DLGAP3: variants seen among roughly 807,000 people sequenced by gnomAD.
The protein encoded by DLGAP3 is DLG associated protein 3.
DLGAP3 carries 17 observed loss-of-function variants against 81.2 expected under a neutral mutation model. The ratio of observed to expected loss-of-function variants is 0.21; its 90% CI spans 0.14 to 0.31. The LOEUF (loss-of-function observed/expected upper bound fraction) is 0.31. Ranked by LOEUF, DLGAP3 falls within the 10% of genes least tolerant of loss-of-function variation. The pLI is 1.00. For missense variants in DLGAP3, 1,124 were observed against 1,388.0 expected, an observed-to-expected ratio of 0.81 and a Z score of 3.02; for synonymous variants, 577 against 587.4, an observed-to-expected ratio of 0.98 and a Z score of 0.26.
intron 5 of DLGAP3, among the ~76,000 whole-genome samples, chr1:34,896,088 A>G (rs1483855841): frequency 5.9e-5 from 9 of 152,234 alleles, no homozygotes; most frequent in African/African-American, 2.2e-4. Context: ...ACAATCAAGA[A>G]GAGAAAAATT....
chr1:34,913,779 C>T (rs1417941675), intron 1 of DLGAP3, among the ~76,000 whole-genome samples: 1 of 152,102 alleles, frequency 6.6e-6, no homozygotes, highest in Non-Finnish European at 1.5e-5. Flanking sequence ...GTACAACGGC[C>T]CACAGAAAGG....
chr1:34,909,448 G>A (rs1428170315), intron 1 of DLGAP3, among the ~76,000 whole-genome samples: 1 of 152,104 alleles, frequency 6.6e-6, no homozygotes, highest in Non-Finnish European at 1.5e-5. Flanking sequence ...TAAGCCTCAG[G>A]ACACCTGCTC....
chr1:34,887,945 C>T (rs576823668), intron 5 of DLGAP3, among the ~76,000 whole-genome samples: 1 of 152,330 alleles, frequency 6.6e-6, no homozygotes, highest in East Asian at 1.9e-4. Context: ...CTCAGGGCCT[C>T]CCTGGTAAAC....
Position 34,894,264 on chromosome 1 carries a change from C to CAAA in DLGAP3, c.1386+5402_1386+5404dup, listed in dbSNP as rs59073158. On this transcript the variant is annotated intron_variant, in intron 5 of 11. Transcript: ENST00000373347. ...CAAAAGGCATAGTGATAAGATAAAGCAAAAAAAAAAAAAAAACCATTAGAT... is the reference window on the plus strand; with the variant it reads ...CAAAAGGCATAGTGATAAGATAAAGCAAAAAAAAAAAAAAAAAAACCATTAGAT... Among the ~76,000 whole-genome samples, 1,126 of 117,192 alleles carry CAAA rather than the reference C, an allele frequency of 9.6e-3. 14 individuals carry two copies. Among genetic ancestry groups the CAAA allele is most frequent in the Middle Eastern group, 0.014 (3 of 208 alleles). The allele number at this position is 117,192 out of a possible 152,430, so 76.9% of individuals were successfully genotyped here.
At chr1:34,911,103 G>A (rs1036059936) in intron 1 of DLGAP3, among the ~76,000 whole-genome samples, 4 of 141,734 alleles carry the variant, frequency 2.8e-5, no homozygotes, top group Admixed American at 7.6e-5. Context: ...AGGTCACACC[G>A]AGAGCTGTTG....
intron 8 of DLGAP3, among the ~76,000 whole-genome samples, chr1:34,880,505 C>T (rs1337374421): frequency 1.3e-5 from 2 of 152,014 alleles, no homozygotes; most frequent in African/African-American, 4.8e-5. Flanking sequence ...CTGAGGCGGG[C>T]GGATCACCTG....
Position 34,904,549 on chromosome 1 carries a change from G to T in DLGAP3, c.835C>A (p.Pro279Thr). The T allele has an allele frequency of 6.2e-7, 1 of 1,613,990 alleles. No homozygotes were observed. Among genetic ancestry groups the T allele is most frequent in the Non-Finnish European group, 8.5e-7 (1 of 1,179,942 alleles). ...SDSGFLAGGRPPGEPGGPFCL... is the reference protein window; with the variant it reads ...SDSGFLAGGRTPGEPGGPFCL... ...AAGGGACCACCAGGCTCCCCAGGGG[G>T]CCTCCCACCCGCCAGGAAGCCGCTA... Residue 279 changes from proline (P) to threonine (T), a missense_variant, in exon 3 of 12, where the codon CCC (proline) becomes ACC (threonine). By Grantham distance (38) the Pro-to-Thr change is conservative. Around this residue, in one of 9 missense-constraint regions of DLGAP3, gnomAD observed 357 missense variants for 408.8 expected, o/e 0.87. Coordinates refer to ENST00000373347, the MANE Select transcript of DLGAP3 (RefSeq NM_001080418.3). The surrounding 1 kb of genome is among the most constrained non-coding windows in gnomAD (Gnocchi z 8.1).
rs1639504971 is a variant in DLGAP3 at position 34,904,217 on chromosome 1, C to G, written c.1107+60G>C. 4 of 1,592,236 alleles carry G rather than the reference C, an allele frequency of 2.5e-6. No homozygotes were observed. Among genetic ancestry groups the G allele is most frequent in the Non-Finnish European group, 3.4e-6 (4 of 1,174,044 alleles). On this transcript the variant is annotated intron_variant, in intron 3 of 11. Coordinates refer to ENST00000373347, the MANE Select transcript of DLGAP3 (RefSeq NM_001080418.3). This position sits in a 1 kb window ranked among gnomAD's most constrained non-coding sequence, Gnocchi z 8.1. The stretch of plus-strand genomic sequence containing the variant: ...CCCACCCAACCCTTTCCACTGCTCC[C>G]TAGTTGACAAGACTGGTGAAGGCTA...
intron 7 of DLGAP3, 131 bp downstream of exon 7, chr1:34,885,347 C>A: frequency 1.9e-6 from 2 of 1,040,716 alleles, no homozygotes; most frequent in Non-Finnish European, 1.4e-6. Context: ...GATGTCCAGG[C>A]ACGGGGTTCA....
At chr1:34,914,789 G>A (rs980263100) in intron 1 of DLGAP3, among the ~76,000 whole-genome samples, 1 of 152,184 alleles carries the variant, frequency 6.6e-6, no homozygotes, top group African/African-American at 2.4e-5. Context: ...AGACAGCTTT[G>A]GGCAAAGGCT....
intron 1 of DLGAP3, among the ~76,000 whole-genome samples, chr1:34,924,576 C>T (rs529395051): frequency 3.3e-5 from 5 of 152,276 alleles, no homozygotes; most frequent in East Asian, 1.9e-4. Flanking sequence ...GGAAGACCGG[C>T]GTTCTCTTAA....
intron 1 of DLGAP3, among the ~76,000 whole-genome samples, chr1:34,910,424 C>G (rs12086953): frequency 3.3e-5 from 5 of 152,352 alleles, no homozygotes; most frequent in African/African-American, 9.6e-5. Context: ...CACTTCTCTG[C>G]TTAAAACTCT....
At chr1:34,910,644 C>G (rs1639626368) in intron 1 of DLGAP3, among the ~76,000 whole-genome samples, 1 of 152,212 alleles carries the variant, frequency 6.6e-6, no homozygotes, top group African/African-American at 2.4e-5. Flanking sequence ...CTACCCACCT[C>G]TGCCTTGCTA....
chr1:34,898,562 C>A (rs969057458), intron 5 of DLGAP3, among the ~76,000 whole-genome samples: 1 of 152,182 alleles, frequency 6.6e-6, no homozygotes, highest in Admixed American at 6.5e-5. Context: ...CAATGAGAGC[C>A]AACGTGGACA....
chr1:34,917,435 C>T (rs1016000872), intron 1 of DLGAP3, among the ~76,000 whole-genome samples: 4 of 151,114 alleles, frequency 2.6e-5, no homozygotes, highest in Admixed American at 2.0e-4. Flanking sequence ...GCAGCCTTGA[C>T]CTCCCAGGCT....
chr1:34,889,960 G>T (rs765861211), intron 5 of DLGAP3, among the ~76,000 whole-genome samples: 32 of 152,184 alleles, frequency 2.1e-4, no homozygotes, highest in Non-Finnish European at 2.8e-4. Flanking sequence ...GAAGGCTTTG[G>T]GCCCACATGA....
At position 34,904,900 on chromosome 1, in the gene DLGAP3, G is replaced by A. The variant is rs1360073838; in HGVS notation, c.484C>T (p.Pro162Ser). 1.2e-6 allele frequency: 2 copies of A among 1,611,186 alleles called. No homozygotes were observed. Among genetic ancestry groups the A allele is most frequent in the East Asian group, 4.5e-5 (2 of 44,876 alleles). ...PAPGTGTAPE[P>S]RSESPSRIRH... ...ATGCGGCTAGGGCTCTCACTGCGGGGCTCTGGGGCAGTGCCCGTCCCTGGC... is the reference window on the plus strand; with the variant it reads ...ATGCGGCTAGGGCTCTCACTGCGGGACTCTGGGGCAGTGCCCGTCCCTGGC... The change falls in exon 3 of 12, where the codon CCC becomes TCC. Residue 162 changes from proline (P) to serine (S), a missense_variant. This residue lies in a region of DLGAP3 where 65 missense variants were observed against 78.2 expected (regional missense o/e 0.83). Transcript: ENST00000373347. The surrounding 1 kb of genome is among the most constrained non-coding windows in gnomAD (Gnocchi z 8.1).
At chr1:34,897,291 G>A (rs1051409251) in intron 5 of DLGAP3, among the ~76,000 whole-genome samples, 5 of 152,196 alleles carry the variant, frequency 3.3e-5, no homozygotes, top group African/African-American at 1.2e-4. Flanking sequence ...AGGAGAAAGA[G>A]CAGGAGGAAG....
chr1:34,927,677 C>G (rs1014992567), intron 1 of DLGAP3, among the ~76,000 whole-genome samples: 2 of 151,870 alleles, frequency 1.3e-5, no homozygotes, highest in East Asian at 3.9e-4. Context: ...GCCTCTCCCT[C>G]CCCTCCCTCC....
Sources: gnomAD v4.1 joint callset for allele counts (sites outside exome capture counted in the v4.1 genomes callset) on GRCh38, gnomAD v4.1.1 for gene constraint, gnomAD v4.1.1 regional missense constraint, Gnocchi (gnomAD v3.1) non-coding constraint, MANE v1.5 for transcripts, NCBI Gene and HGNC (gene_info 2026-07-23, HGNC 2026-07-21) for gene names.